Variants in CLUH observed in about 807,000 individuals in gnomAD.
The protein encoded by CLUH is CLUH binding protein of NUMT mRNA, also known as clustered mitochondria protein homolog.
A neutral mutation model predicts 139.3 loss-of-function variants in CLUH; 77 were observed. The observed-to-expected ratio is 0.55, with a 90% confidence interval of 0.46 to 0.67. The LOEUF is 0.67. Ranked by LOEUF, CLUH falls within the 30% of genes least tolerant of loss-of-function variation. The probability of loss-of-function intolerance (pLI) is 0.00; values close to 1 mark genes in which losing one functional copy is unlikely to be tolerated. For missense variants in CLUH, 1,876 were observed against 1,875.8 expected (o/e 1.00, Z 0.00); for synonymous variants, 999 against 801.6 (o/e 1.25, Z -4.16).
In CLUH at chr17:2,700,816, G is replaced by T; in HGVS notation, c.1035C>A (p.Arg345=). The change falls in exon 8 of 26, where the codon CGC becomes CGA. Residue 345 remains arginine (R), a synonymous_variant. Coordinates refer to ENST00000651024, the MANE Select transcript of CLUH (RefSeq NM_001366661.1). Reference sequence around the variant, plus strand: ...GGGTGGCGATCCTCTCGAACGGGTGGCGCTGGACCCTGTGGCAGGCAGGGG... The same window carrying T: ...GGGTGGCGATCCTCTCGAACGGGTGTCGCTGGACCCTGTGGCAGGCAGGGG... ...FAVLQKKRVQ[R]HPFERIATPF... is the part of the protein sequence containing the mutation. 1 of 1,521,704 alleles carries T rather than the reference G, an allele frequency of 6.6e-7. No individual in the cohort carries two copies. The allele number at this position is 1,521,704 out of a possible 1,614,324, so 94.3% of individuals were successfully genotyped here. A position where few individuals can be genotyped will look rare whatever the true frequency, so the allele number is the denominator to read the frequency against.
chr17:2,709,644 G>A (rs140676291), intron 1 of CLUH, among the ~76,000 whole-genome samples: 1,679 of 152,150 alleles, frequency 0.011, 17 homozygotes, highest in Non-Finnish European at 0.017. Context: ...GTATTCCCAG[G>A]AAGGTAACCA....
In CLUH at chr17:2,695,636, G is replaced by C. The variant is rs1299487595; in HGVS notation, c.2392-110C>G. 3 of 1,358,106 alleles carry C rather than the reference G, an allele frequency of 2.2e-6. No individual in the cohort carries two copies. In the African/African-American group the frequency reaches 4.4e-5, roughly 20 times the overall value. The allele number at this position is 1,358,106 out of a possible 1,614,324, so 84.1% of individuals were successfully genotyped here. A position where few individuals can be genotyped will look rare whatever the true frequency, so the allele number is the denominator to read the frequency against. On this transcript the variant is annotated intron_variant, in intron 13 of 25. Coordinates refer to ENST00000651024, the MANE Select transcript of CLUH (RefSeq NM_001366661.1). ...GGAGGCCCTGGAGAAGGACCCCGAA[G>C]GCTCCAGCTCCCAGTCAGGATGTCA...
rs749033352 is a variant in CLUH at position 2,698,132 on chromosome 17, G to A, written c.1725C>T (p.Asn575=). ...AGAGCTCCACCTCCTCGTCACGGTC[G>A]TTGAGCACCTGGTGCCGCAGGATCT... is the stretch of plus-strand genomic sequence containing the variant. ...PLKILRHQVL[N]DRDEEVELCS... Residue 575 remains asparagine, a synonymous_variant, in exon 10 of 26, where the codon AAC becomes AAT. Coordinates refer to ENST00000651024, the MANE Select transcript of CLUH (RefSeq NM_001366661.1). 2.6e-5 allele frequency: 41 copies of A among 1,589,672 alleles called. No homozygotes were observed. The highest frequency in any genetic ancestry group is 3.3e-5 in the Non-Finnish European group (39 of 1,169,442).
At chr17:2,690,861 C>G in intron 25 of CLUH, 84 bp from the exon 26 acceptor site, 1 of 1,149,300 alleles carries the variant, frequency 8.7e-7, no homozygotes, top group Non-Finnish European at 1.2e-6. Flanking sequence ...GTGGGATAAG[C>G]TCAGGCTCTG....
At chr17:2,695,958 C>T in intron 13 of CLUH, 1 of 597,838 alleles carries the variant, frequency 1.7e-6, no homozygotes, top group South Asian at 2.0e-5. Context: ...CAGCTGCCAG[C>T]CCACACGGTG....
At chr17:2,708,726 C>T (rs1412217857) in intron 1 of CLUH, among the ~76,000 whole-genome samples, 3 of 151,932 alleles carry the variant, frequency 2.0e-5, no homozygotes, top group Non-Finnish European at 4.4e-5. Flanking sequence ...CCTGCTCCCG[C>T]CGACCCGCTC....
At chr17:2,708,759 C>T (rs1467602821) in intron 1 of CLUH, among the ~76,000 whole-genome samples, 1 of 151,930 alleles carries the variant, frequency 6.6e-6, no homozygotes, top group Non-Finnish European at 1.5e-5. Context: ...TCCCACTGAC[C>T]CACTCCCACT....
At chr17:2,691,152 G>C (rs1164537974) in intron 25 of CLUH, among the ~76,000 whole-genome samples, 1 of 152,044 alleles carries the variant, frequency 6.6e-6, no homozygotes, top group Non-Finnish European at 1.5e-5. Context: ...CGCAGGATGG[G>C]AAGCGTGGGG....
At chr17:2,694,408 G>C in intron 17 of CLUH, 72 bp downstream of exon 17, 1 of 1,529,802 alleles carries the variant, frequency 6.5e-7, no homozygotes, top group Non-Finnish European at 8.9e-7. Context: ...CTGGCCAGGA[G>C]TGGGAGCCTG....
Position 2,702,541 on chromosome 17 carries a change from A to C in CLUH, c.476-484T>G, listed in dbSNP as rs554028299. On this transcript the variant is annotated intron_variant, in intron 3 of 25. Transcript: ENST00000651024. ...TGGCAGTTCTTTTGGTGGAGGGGAG[A>C]GGTTCCGTGATCAACTGTGGGCGCT... Among the ~76,000 whole-genome samples the C allele has an allele frequency of 4.6e-3, 696 of 152,252 alleles. 6 individuals are homozygous for C. Among genetic ancestry groups the C allele is most frequent in the African/African-American group, 0.016 (662 of 41,540 alleles).
At chr17:2,700,572 C>T (rs2070142900) in intron 8 of CLUH, 98 bp from the exon 9 acceptor site, 1 of 1,540,106 alleles carries the variant, frequency 6.5e-7, no homozygotes, top group Non-Finnish European at 8.7e-7. Flanking sequence ...GAGCCCCAGA[C>T]TCCCAAATGA....
intron 1 of CLUH, among the ~76,000 whole-genome samples, chr17:2,708,900 C>T (rs1051656887): frequency 6.6e-6 from 1 of 152,136 alleles, no homozygotes; most frequent in South Asian, 2.1e-4. Flanking sequence ...ACAGCACTCC[C>T]CAAGGCCTCT....
intron 16 of CLUH, 35 bp downstream of exon 16, chr17:2,694,822 T>TGCCCCCCCCCCCCCCCCCCCC: frequency 7.4e-7 from 1 of 1,346,338 alleles, no homozygotes; most frequent in Non-Finnish European, 1.0e-6. Context: ...ATCTGCCCAA[T>TGCCCCCCCCCCCCCCCCCCCC]CCCACCCACC....
rs2070021516 is a variant in CLUH at position 2,697,893 on chromosome 17, C to T, written c.1961+3G>A. 6.7e-6 allele frequency: 10 copies of T among 1,492,326 alleles called. No homozygotes were observed. The highest frequency in any genetic ancestry group is 1.3e-5 in the South Asian group (1 of 75,916). 92.4% of individuals were successfully genotyped at this position (1,492,326 alleles called of 1,614,324 possible). ...GCCCTGGTCCGGCAGGGCCGCCCCTCACCTGTGCTCCACGAAGGCGTCCAC... is the reference window on the plus strand; with the variant it reads ...GCCCTGGTCCGGCAGGGCCGCCCCTTACCTGTGCTCCACGAAGGCGTCCAC... On this transcript the variant is annotated splice_donor_region_variant and intron_variant, in intron 10 of 25. Transcript: ENST00000651024.
intron 11 of CLUH, 88 bp from the exon 12 acceptor site, chr17:2,696,626 A>G: frequency 2.6e-6 from 4 of 1,547,048 alleles, no homozygotes; most frequent in Non-Finnish European, 3.5e-6. Flanking sequence ...AGCTCCTTGC[A>G]GAGATGTCTG....
chr17:2,692,184 G>A (rs1278595561), intron 22 of CLUH, 87 bp from the exon 23 acceptor site: 65 of 1,459,860 alleles, frequency 4.5e-5, no homozygotes, highest in Non-Finnish European at 5.7e-5. Context: ...GTCTCCCGTA[G>A]ATCCCTCCCT....
At chr17:2,695,148 T>A in intron 15 of CLUH, 47 bp from the exon 16 acceptor site, 1 of 1,613,426 alleles carries the variant, frequency 6.2e-7, no homozygotes, top group Non-Finnish European at 8.5e-7. Context: ...CAGCCCCACC[T>A]CAGGCTCTTT....
rs371229741 is a variant in CLUH, at chr17:2,706,124, C to T, written c.101-1560G>A. On this transcript the variant is annotated intron_variant, in intron 1 of 25. Coordinates refer to ENST00000651024, the MANE Select transcript of CLUH (RefSeq NM_001366661.1). This position sits in a 1 kb window ranked among gnomAD's most constrained non-coding sequence, Gnocchi z 4.6. ...TAGACCCCACCTCCCCTTCCCCACC[C>T]GGCTCTCAGGAGCGGGGACAGGTGC... is the stretch of plus-strand genomic sequence containing the variant. Among the ~76,000 whole-genome samples, 9 of 152,278 alleles carry T rather than the reference C, an allele frequency of 5.9e-5. No individual in the cohort carries two copies. The highest frequency in any genetic ancestry group is 3.9e-4 in the East Asian group (2 of 5,178).
chr17:2,695,551 C>A, intron 13 of CLUH, 25 bp from the exon 14 acceptor site: 1 of 1,566,180 alleles, frequency 6.4e-7, no homozygotes, highest in Non-Finnish European at 8.6e-7. Context: ...AGCTCAGGCC[C>A]CCACCCAGCT....
Sources: gnomAD v4.1 joint callset for allele counts (sites outside exome capture counted in the v4.1 genomes callset) on GRCh38, gnomAD v4.1.1 for gene constraint, Gnocchi (gnomAD v3.1) non-coding constraint, MANE v1.5 for transcripts, NCBI Gene and HGNC (gene_info 2026-07-23, HGNC 2026-07-21) for gene names.